FMNL2: variants seen among roughly 807,000 people sequenced by gnomAD.
FMNL2 encodes formin like 2.
A neutral mutation model predicts 130.2 loss-of-function variants in FMNL2; 51 were observed. That is an observed-to-expected ratio of 0.39 (90% CI 0.31 to 0.49). FMNL2 has a LOEUF of 0.49. Ranked by LOEUF, FMNL2 falls within the 20% of genes least tolerant of loss-of-function variation. The pLI is 0.85. For synonymous variants in FMNL2, 465 were observed against 467.1 expected (o/e 1.00, Z 0.06); for missense variants, 977 against 1,316.2 (o/e 0.74, Z 3.99).
At position 152,335,622 on chromosome 2, in the gene FMNL2, A is replaced by T; in HGVS notation, c.19A>T (p.Met7Leu). 6.3e-7 allele frequency: 1 copy of T among 1,590,918 alleles called. No individual in the cohort carries two copies. The highest frequency in any genetic ancestry group is 1.1e-5 in the South Asian group (1 of 89,806). The change falls in exon 1 of 26, where the codon ATG becomes TTG. Residue 7 changes from methionine (M) to leucine (L), a missense_variant. Coordinates refer to ENST00000288670, the MANE Select transcript of FMNL2 (RefSeq NM_052905.4). ...CGCCGACATGGGCAACGCAGGGAGC[A>T]TGGATTCGCAGCAGACCGATTTCAG... MGNAGS[M>L]DSQQTDFRAH...
At chr2:152,621,374 T>C (rs1231573146) in intron 15 of FMNL2, among the ~76,000 whole-genome samples, 1 of 152,252 alleles carries the variant, frequency 6.6e-6, no homozygotes, top group Non-Finnish European at 1.5e-5. Flanking sequence ...TCCTGTGTGA[T>C]TGATCTATTT....
intron 9 of FMNL2, among the ~76,000 whole-genome samples, chr2:152,582,687 T>C (rs1046183682): frequency 1.3e-5 from 2 of 152,180 alleles, no homozygotes; most frequent in African/African-American, 4.8e-5. Flanking sequence ...AAATTTTACA[T>C]TTATAAATAA....
intron 3 of FMNL2, among the ~76,000 whole-genome samples, chr2:152,546,648 C>T (rs547156177): frequency 1.3e-5 from 2 of 152,196 alleles, no homozygotes; most frequent in South Asian, 2.1e-4. Flanking sequence ...TAACACAGAG[C>T]TTGGAAGGCT....
chr2:152,559,848 C>T (rs1317097941), intron 5 of FMNL2, among the ~76,000 whole-genome samples: 2 of 152,192 alleles, frequency 1.3e-5, no homozygotes, highest in Admixed American at 1.3e-4. Context: ...TTCAGTATTA[C>T]CTCCTGCAGC....
chr2:152,611,226 C>T (rs1435592055), intron 10 of FMNL2, among the ~76,000 whole-genome samples: 1 of 152,116 alleles, frequency 6.6e-6, no homozygotes, highest in Non-Finnish European at 1.5e-5. Flanking sequence ...GTAATCCCAG[C>T]TACTCGGGAG....
At chr2:152,610,440 C>A (rs1374900871) in intron 10 of FMNL2, among the ~76,000 whole-genome samples, 1 of 152,122 alleles carries the variant, frequency 6.6e-6, no homozygotes, top group African/African-American at 2.4e-5. Flanking sequence ...AGTCCTGTAC[C>A]CATTGGCAGT....
At chr2:152,539,509 T>G (rs958150366) in intron 2 of FMNL2, 1 of 152,256 alleles carries the variant, frequency 6.6e-6, no homozygotes, top group Non-Finnish European at 1.5e-5. Context: ...TAGAAGTGGA[T>G]GCAATGTGGA....
Position 152,352,303 on chromosome 2 carries a change from G to A in FMNL2, c.117+16583G>A, listed in dbSNP as rs1053915199. On this transcript the variant is annotated intron_variant, in intron 1 of 25. Coordinates refer to ENST00000288670, the MANE Select transcript of FMNL2 (RefSeq NM_052905.4). The stretch of plus-strand genomic sequence containing the variant: ...ATCGTTTCAGTAAACATGAATGGTA[G>A]CTCAGGAAACCTGAAAGGTAGGTAT... 2.4e-4 allele frequency among the ~76,000 whole-genome samples: 37 copies of A among 152,132 alleles called. 1 individual carries two copies. Among genetic ancestry groups the A allele is most frequent in the Admixed American group, 2.4e-3 (37 of 15,260 alleles).
intron 25 of FMNL2, among the ~76,000 whole-genome samples, chr2:152,647,224 T>TATTA (rs1392690961): frequency 6.6e-6 from 1 of 152,212 alleles, no homozygotes; most frequent in Non-Finnish European, 1.5e-5. Context: ...GGGAATAGAT[T>TATTA]ATTATTTTGG....
chr2:152,461,281 T>G (rs1408927681), intron 1 of FMNL2, among the ~76,000 whole-genome samples: 1 of 152,232 alleles, frequency 6.6e-6, no homozygotes, highest in Non-Finnish European at 1.5e-5. Flanking sequence ...ATTTTTAATG[T>G]ATTTTATTTA....
At chr2:152,438,300 T>C (rs71417225) in intron 1 of FMNL2, among the ~76,000 whole-genome samples, 2,057 of 152,278 alleles carry the variant, frequency 0.014, 36 homozygotes, top group East Asian at 0.074. Context: ...TCAAAATCAA[T>C]TGGTCAGCTT....
chr2:152,643,698 C>T (rs1370039092), intron 25 of FMNL2: 5 of 985,348 alleles, frequency 5.1e-6, no homozygotes, highest in Non-Finnish European at 6.0e-6. Context: ...TGCTCACTCA[C>T]TGGCCACTTT....
rs961817392 is a variant in FMNL2 at position 152,338,214 on chromosome 2, C to T, written c.117+2494C>T. On this transcript the variant is annotated intron_variant, in intron 1 of 25. Coordinates refer to ENST00000288670, the MANE Select transcript of FMNL2 (RefSeq NM_052905.4). ...GTTGGCATTATTGATACCAGTTCAACTTTCTTGTATAATAAAGATCATACG... is the reference window on the plus strand; with the variant it reads ...GTTGGCATTATTGATACCAGTTCAATTTTCTTGTATAATAAAGATCATACG... 2.6e-5 allele frequency among the ~76,000 whole-genome samples: 4 copies of T among 152,112 alleles called. No individual in the cohort carries two copies. In the East Asian group the frequency reaches 7.7e-4, roughly 29 times the overall value.
chr2:152,565,536 G>C (rs1695787605), intron 6 of FMNL2, among the ~76,000 whole-genome samples: 1 of 152,088 alleles, frequency 6.6e-6, no homozygotes, highest in African/African-American at 2.4e-5. Flanking sequence ...TGTAACCAAG[G>C]ATGATCTTTT....
rs74931689 is a variant in FMNL2, at chr2:152,387,697, G to A, written c.117+51977G>A. On this transcript the variant is annotated intron_variant, in intron 1 of 25. Coordinates refer to ENST00000288670, the MANE Select transcript of FMNL2 (RefSeq NM_052905.4). ...TGGAGTTGGGGTCTCTCTGTCATAC[G>A]GGCTAGAGTGCAGTAGTGCAATGAT... Among the ~76,000 whole-genome samples the A allele has an allele frequency of 4.1e-3, 617 of 151,882 alleles. 2 individuals carry two copies. Among genetic ancestry groups the A allele is most frequent in the Middle Eastern group, 0.01 (3 of 294 alleles).
intron 1 of FMNL2, among the ~76,000 whole-genome samples, chr2:152,520,288 G>T (rs1670184640): frequency 6.6e-6 from 1 of 151,938 alleles, no homozygotes; most frequent in Admixed American, 6.6e-5. Flanking sequence ...TTGAGGGGGG[G>T]TGATTAAAAT....
intron 1 of FMNL2, among the ~76,000 whole-genome samples, chr2:152,454,154 G>A (rs959951727): frequency 4.6e-5 from 7 of 152,140 alleles, no homozygotes; most frequent in African/African-American, 1.7e-4. Context: ...GCAGATGCCT[G>A]TAATCTCAGC....
At chr2:152,520,601 A>G (rs1193004761) in intron 1 of FMNL2, among the ~76,000 whole-genome samples, 1 of 151,824 alleles carries the variant, frequency 6.6e-6, no homozygotes, top group African/African-American at 2.4e-5. Context: ...ATCTCAAAAA[A>G]AAAAAAAAAT....
chr2:152,500,017 T>TA (rs1691724934), intron 1 of FMNL2, among the ~76,000 whole-genome samples: 1 of 152,158 alleles, frequency 6.6e-6, no homozygotes, highest in Admixed American at 6.5e-5. Flanking sequence ...AGTCTGGAGA[T>TA]AGAGCATTGA....
Sources: allele counts gnomAD v4.1 joint callset (sites outside exome capture counted in the v4.1 genomes callset), GRCh38; gene constraint gnomAD v4.1.1; transcripts MANE v1.5; gene names NCBI Gene and HGNC (gene_info 2026-07-23, HGNC 2026-07-21).